PKNOX1: variants seen among roughly 807,000 people sequenced by gnomAD.
PKNOX1 encodes the protein homeobox protein PKNOX1.
PKNOX1 carries 15 observed loss-of-function variants against 51.9 expected under a neutral mutation model. The observed-to-expected ratio is 0.29, with a 90% CI of 0.19 to 0.45. PKNOX1 has a LOEUF of 0.45. PKNOX1 is among the 20% of genes least tolerant of loss of function. The pLI is 1.00. For missense variants in PKNOX1, 462 were observed against 547.5 expected (o/e 0.84, Z 1.56); for synonymous variants, 219 against 211.1 (o/e 1.04, Z -0.32).
intron 1 of PKNOX1, among the ~76,000 whole-genome samples, chr21:42,998,662 G>A (rs1193590165): frequency 6.6e-6 from 1 of 152,138 alleles, no homozygotes; most frequent in Non-Finnish European, 1.5e-5. Context: ...GAGGCTACAG[G>A]CTCCCATGTA....
intron 1 of PKNOX1, among the ~76,000 whole-genome samples, chr21:42,988,422 G>A (rs988142256): frequency 6.6e-6 from 1 of 152,150 alleles, no homozygotes; most frequent in Non-Finnish European, 1.5e-5. Context: ...GAACTGTTGG[G>A]AGATATGAAA....
At chr21:43,011,504 T>C (rs234692) in intron 4 of PKNOX1, among the ~76,000 whole-genome samples, 54,329 of 152,080 alleles carry the variant, frequency 0.36, 10,026 homozygotes, top group African/African-American at 0.41. Flanking sequence ...TTGCTCTGAA[T>C]GAGCTGCACC....
chr21:43,005,091 T>C (rs234774), intron 2 of PKNOX1, among the ~76,000 whole-genome samples: 136,211 of 152,276 alleles, frequency 0.89, 61,050 homozygotes, highest in Non-Finnish European at 0.91. Context: ...CTTTCTTGGC[T>C]TGCGATCTTG....
At chr21:42,979,538 C>G (rs1402149991) in intron 1 of PKNOX1, among the ~76,000 whole-genome samples, 1 of 151,918 alleles carries the variant, frequency 6.6e-6, no homozygotes, top group Non-Finnish European at 1.5e-5. Flanking sequence ...GTCAGGAGAT[C>G]GAGACCATCC....
rs140174291 is a variant in PKNOX1, at chr21:43,030,071, G to C, written c.1281G>C (p.Leu427=). Residue 427 remains leucine, a synonymous_variant, in exon 11 of 11, where the codon CTG becomes CTC. Coordinates refer to ENST00000291547, the MANE Select transcript of PKNOX1 (RefSeq NM_004571.5). Reference sequence around the variant, plus strand: ...TGGCCCCTGCCCACATCAGCGGGCTGGTCTTGGAGAACAGTGACTCCCTGC... The same window carrying C: ...TGGCCCCTGCCCACATCAGCGGGCTCGTCTTGGAGAACAGTGACTCCCTGC... ...GALAPAHISG[L]VLENSDSLQ The C allele has an allele frequency of 4.9e-5, 79 of 1,606,512 alleles. No homozygotes were observed. In the African/African-American group the frequency reaches 9.7e-4, roughly 20 times the overall value.
chr21:43,016,169 A>G (rs905126181), intron 5 of PKNOX1, among the ~76,000 whole-genome samples: 16 of 152,208 alleles, frequency 1.1e-4, no homozygotes, highest in Non-Finnish European at 4.4e-5. Context: ...GTCAGGGCAC[A>G]TGAGTGTGCC....
At chr21:42,984,083 C>CGTGT (rs61381629) in intron 1 of PKNOX1, among the ~76,000 whole-genome samples, 5 of 149,824 alleles carry the variant, frequency 3.3e-5, no homozygotes, top group Admixed American at 1.3e-4. Context: ...CGTGTGTGTG[C>CGTGT]GTGTGTGTGT....
Position 43,013,253 on chromosome 21 carries a change from G to C in PKNOX1, c.522+15G>C. 1 of 1,552,822 alleles carries C rather than the reference G, an allele frequency of 6.4e-7. No homozygotes were observed. On this transcript the variant is annotated intron_variant, in intron 5 of 10. Transcript: ENST00000291547. Reference sequence around the variant, plus strand: ...TGCAGTCCCAGGTACTTACATTTGGGGGTCTCGCTTTCCCTCTCTGCCACT... The same window carrying C: ...TGCAGTCCCAGGTACTTACATTTGGCGGTCTCGCTTTCCCTCTCTGCCACT...
rs1978896724 is a variant in PKNOX1, at chr21:43,004,372, CTGA to C, written c.-6_-4del. 2 of 1,593,646 alleles carry C rather than the reference CTGA, an allele frequency of 1.3e-6. No individual in the cohort carries two copies. The highest frequency in any genetic ancestry group is 4.5e-5 in the East Asian group (2 of 44,750). ...AGATGATTTGATGTCTTATAAAACT[CTGA>C]TGAACCATGATGGCTACACAGACAT... On this transcript the variant is annotated 5_prime_UTR_variant, in exon 2 of 11. The change abolishes an upstream ATG in the 5' untranslated region. Transcript: ENST00000291547.
chr21:42,993,801 G>C (rs1978355241), intron 1 of PKNOX1, among the ~76,000 whole-genome samples: 1 of 148,384 alleles, frequency 6.7e-6, no homozygotes, highest in African/African-American at 2.5e-5. Context: ...GGTGCAGTCT[G>C]GGCTCACAGC....
intron 1 of PKNOX1, among the ~76,000 whole-genome samples, chr21:42,994,902 T>C (rs1601279995): frequency 6.8e-6 from 1 of 146,904 alleles, no homozygotes; most frequent in East Asian, 2.0e-4. Flanking sequence ...TTTCTTTTCT[T>C]TTCTTTTTCT....
At chr21:43,026,015 T>C (rs1314203586) in intron 9 of PKNOX1, among the ~76,000 whole-genome samples, 1 of 152,210 alleles carries the variant, frequency 6.6e-6, no homozygotes, top group Non-Finnish European at 1.5e-5. Context: ...GAGTATGTTG[T>C]TGCTGCAGTG....
chr21:43,002,621 GGC>G (rs1978814060), intron 1 of PKNOX1, among the ~76,000 whole-genome samples: 1 of 152,192 alleles, frequency 6.6e-6, no homozygotes. Context: ...ATTTTGTGAG[GGC>G]AGATTGCACT....
intron 6 of PKNOX1, chr21:43,017,556 GA>G (rs36108864): frequency 8.8e-5 from 13 of 147,720 alleles, no homozygotes; most frequent in Admixed American, 1.3e-4. Flanking sequence ...ACCTCAGTGG[GA>G]AAAAAAAAAG....
rs1980248901 is a variant in PKNOX1 at position 43,031,122 on chromosome 21, T to C, written c.*1021T>C. 1 of 152,686 alleles carries C rather than the reference T, an allele frequency of 6.5e-6. No homozygotes were observed. The highest frequency in any genetic ancestry group is 1.5e-5 in the Non-Finnish European group (1 of 68,044). The allele number at this position is 152,686 out of a possible 1,614,324, so 9.5% of individuals were successfully genotyped here. A position where few individuals can be genotyped will look rare whatever the true frequency, so the allele number is the denominator to read the frequency against. Reference sequence around the variant, plus strand: ...TCTGACCACAGTTGCATGGTCGCTTTACCATGTTAGCTGTGTATTGTTTTA... The same window carrying C: ...TCTGACCACAGTTGCATGGTCGCTTCACCATGTTAGCTGTGTATTGTTTTA... On this transcript the variant is annotated 3_prime_UTR_variant, in exon 11 of 11. Coordinates refer to ENST00000291547, the MANE Select transcript of PKNOX1 (RefSeq NM_004571.5).
At chr21:42,999,229 CG>C (rs1978640654) in intron 1 of PKNOX1, among the ~76,000 whole-genome samples, 1 of 152,232 alleles carries the variant, frequency 6.6e-6, no homozygotes, top group South Asian at 2.1e-4. Flanking sequence ...TTTTCAGCCA[CG>C]GCTGGAGCAG....
At chr21:43,010,297 G>A in intron 4 of PKNOX1, 73 bp downstream of exon 4, 1 of 851,242 alleles carries the variant, frequency 1.2e-6, no homozygotes, top group Admixed American at 2.8e-5. Context: ...CTTCTAAGTA[G>A]AACTTTAGAC....
Position 43,021,321 on chromosome 21 carries a change from C to G in PKNOX1, c.739C>G (p.Gln247Glu). Residue 247 changes from glutamine (Q) to glutamate (E), a missense_variant, in exon 8 of 11, where the codon CAA (glutamine) becomes GAA (glutamate). By Grantham distance (29) the Gln-to-Glu change is conservative (BLOSUM62 2). This residue lies in a region of PKNOX1 where 126 missense variants were observed against 128.1 expected (regional missense o/e 0.98). Coordinates refer to ENST00000291547, the MANE Select transcript of PKNOX1 (RefSeq NM_004571.5). This position sits in a 1 kb window ranked among gnomAD's most constrained non-coding sequence, Gnocchi z 4.6. Reference sequence around the variant, plus strand: ...TTAAAAGCTTCAGTTACAGTTAAACCAAGATCTCAGCATCTTGCATCAAGA... The same window carrying G: ...TTAAAAGCTTCAGTTACAGTTAAACGAAGATCTCAGCATCTTGCATCAAGA... ...QNSQLQLQLN[Q>E]DLSILHQDDG... is the part of the protein sequence containing the mutation. 6.2e-7 allele frequency: 1 copy of G among 1,606,926 alleles called. No individual in the cohort carries two copies. The highest frequency in any genetic ancestry group is 8.5e-7 in the Non-Finnish European group (1 of 1,176,042).
chr21:42,987,920 T>G (rs2059063909), intron 1 of PKNOX1, among the ~76,000 whole-genome samples: 1 of 150,990 alleles, frequency 6.6e-6, no homozygotes, highest in South Asian at 2.1e-4. Flanking sequence ...ACCCGGCCTC[T>G]ACATTTTTAA....
Sources: gnomAD v4.1 joint callset for allele counts (sites outside exome capture counted in the v4.1 genomes callset) on GRCh38, gnomAD v4.1.1 for gene constraint, gnomAD v4.1.1 regional missense constraint, Gnocchi (gnomAD v3.1) non-coding constraint, MANE v1.5 for transcripts, NCBI Gene and HGNC (gene_info 2026-07-23, HGNC 2026-07-21) for gene names.